TTC28: variants seen among roughly 807,000 people sequenced by gnomAD.
TTC28 encodes tetratricopeptide repeat domain 28.
In TTC28, 61 loss-of-function variants were observed where a neutral mutation model predicts 198.0. The observed-to-expected ratio is 0.31, with a 90% CI of 0.25 to 0.38. The LOEUF is 0.38. Ranked by LOEUF, TTC28 falls within the 10% of genes least tolerant of loss-of-function variation. TTC28 has a pLI of 1.00. For missense variants in TTC28, 2,678 were observed against 3,164.0 expected (o/e 0.85, Z 3.69); for synonymous variants, 1,171 against 1,297.8 (o/e 0.90, Z 2.10).
chr22:28,142,382 A>G (rs1569160067), intron 6 of TTC28, among the ~76,000 whole-genome samples: 1 of 152,236 alleles, frequency 6.6e-6, no homozygotes, highest in Non-Finnish European at 1.5e-5. Flanking sequence ...ACCCATGAGC[A>G]GAATACTGTC....
intron 6 of TTC28, among the ~76,000 whole-genome samples, chr22:28,109,910 T>C (rs969386958): frequency 6.6e-6 from 1 of 152,248 alleles, no homozygotes; most frequent in Non-Finnish European, 1.5e-5. Context: ...TAAAAATAGA[T>C]GCTCTGAGAA....
At chr22:28,310,514 C>T (rs1367557728) in intron 2 of TTC28, among the ~76,000 whole-genome samples, 3 of 152,148 alleles carry the variant, frequency 2.0e-5, no homozygotes, top group Non-Finnish European at 4.4e-5. Context: ...TTACTTTCAA[C>T]ACATCATTCC....
intron 2 of TTC28, among the ~76,000 whole-genome samples, chr22:28,328,357 G>A (rs988709974): frequency 6.6e-5 from 10 of 151,974 alleles, no homozygotes; most frequent in Non-Finnish European, 1.3e-4. Flanking sequence ...CAGGAGAATC[G>A]CTGAGCCCAG....
At chr22:28,219,518 A>G (rs977237460) in intron 5 of TTC28, among the ~76,000 whole-genome samples, 1 of 145,700 alleles carries the variant, frequency 6.9e-6, no homozygotes, top group Non-Finnish European at 1.5e-5. Context: ...AAAAAAAAAG[A>G]AAAAAAAAAC....
chr22:28,504,889 T>C (rs962393479), intron 2 of TTC28, among the ~76,000 whole-genome samples: 3 of 152,184 alleles, frequency 2.0e-5, no homozygotes, highest in South Asian at 2.1e-4. Flanking sequence ...AGGTTCATTA[T>C]ACAATTCTTT....
rs1490354903 is a variant in TTC28 at position 28,099,054 on chromosome 22, G to A, written c.3418-10C>T. The A allele has an allele frequency of 1.3e-6, 2 of 1,551,858 alleles. No homozygotes were observed. The highest frequency in any genetic ancestry group is 2.0e-5 in the Admixed American group (1 of 50,980). ...CTGATGCCCTATAAAGCTGCAAGGA[G>A]GGAGGAAGAACATCATCCATTCCCC... On this transcript the variant is annotated splice_polypyrimidine_tract_variant and intron_variant, in intron 9 of 22. Coordinates refer to ENST00000397906, the MANE Select transcript of TTC28 (RefSeq NM_001145418.2).
At chr22:28,532,306 G>A (rs977885379) in intron 2 of TTC28, among the ~76,000 whole-genome samples, 1 of 152,140 alleles carries the variant, frequency 6.6e-6, no homozygotes, top group African/African-American at 2.4e-5. Flanking sequence ...AAAAAGTCTA[G>A]AAGAAATAGA....
intron 12 of TTC28, among the ~76,000 whole-genome samples, chr22:28,049,799 C>A (rs1480399694): frequency 6.6e-6 from 1 of 152,052 alleles, no homozygotes; most frequent in African/African-American, 2.4e-5. Flanking sequence ...GGGCTTGGCA[C>A]ATGAGAGCTG....
chr22:28,244,141 G>T (rs944814745), intron 5 of TTC28, among the ~76,000 whole-genome samples: 1 of 152,138 alleles, frequency 6.6e-6, no homozygotes, highest in African/African-American at 2.4e-5. Flanking sequence ...CCAGTGGTAG[G>T]ATCTGAGGGG....
intron 2 of TTC28, chr22:28,443,064 G>A (rs1221173198): frequency 6.6e-6 from 1 of 152,244 alleles, no homozygotes; most frequent in African/African-American, 2.4e-5. Flanking sequence ...GGAGAGTCCA[G>A]TCTTTTCGCC....
chr22:28,044,279 A>G lies in TTC28; in HGVS notation c.3933-13913T>C, dbSNP rs146305279. ...TACTATTATCTAACAGCTGTAATGTATAGAACAAACCTTCTGTTGGTCGGA... is the reference window on the plus strand; with the variant it reads ...TACTATTATCTAACAGCTGTAATGTGTAGAACAAACCTTCTGTTGGTCGGA... On this transcript the variant is annotated intron_variant, in intron 12 of 22. Coordinates refer to ENST00000397906, the MANE Select transcript of TTC28 (RefSeq NM_001145418.2). 1.6e-3 allele frequency among the ~76,000 whole-genome samples: 246 copies of G among 152,326 alleles called. 1 individual carries two copies. The highest frequency in any genetic ancestry group is 5.4e-3 in the African/African-American group (225 of 41,574).
chr22:28,361,429 G>A (rs1477231943), intron 2 of TTC28, among the ~76,000 whole-genome samples: 1 of 152,138 alleles, frequency 6.6e-6, no homozygotes, highest in Non-Finnish European at 1.5e-5. Context: ...TTAAGCCAAA[G>A]TCTAATTTAG....
chr22:28,087,644 G>A (rs1302266233), intron 12 of TTC28, among the ~76,000 whole-genome samples: 1 of 152,150 alleles, frequency 6.6e-6, no homozygotes. Context: ...TCAACACAGT[G>A]CTGGAAGTTC....
At chr22:28,676,945 G>A (rs575219500) in intron 1 of TTC28, among the ~76,000 whole-genome samples, 3 of 151,336 alleles carry the variant, frequency 2.0e-5, no homozygotes, top group East Asian at 3.9e-4. Flanking sequence ...ATTTGAGATC[G>A]GGAGTTCAAA....
chr22:28,584,000 G>T (rs1168433852), intron 2 of TTC28, among the ~76,000 whole-genome samples: 57 of 129,394 alleles, frequency 4.4e-4, no homozygotes, highest in South Asian at 1.0e-3. Context: ...TTTTTGTTTT[G>T]TTTTTGTTTT....
At chr22:28,363,122 G>T (rs756903555) in intron 2 of TTC28, among the ~76,000 whole-genome samples, 1 of 152,150 alleles carries the variant, frequency 6.6e-6, no homozygotes, top group East Asian at 1.9e-4. Flanking sequence ...AGTCTTCATG[G>T]CAGCCCCTCC....
chr22:28,016,264 C>T (rs944147264), intron 13 of TTC28, among the ~76,000 whole-genome samples: 3 of 152,174 alleles, frequency 2.0e-5, no homozygotes, highest in Non-Finnish European at 4.4e-5. Flanking sequence ...CAGATAACCC[C>T]GGAGTGACAC....
chr22:28,224,559 A>G (rs567301262), intron 5 of TTC28, among the ~76,000 whole-genome samples: 56 of 152,230 alleles, frequency 3.7e-4, no homozygotes, highest in Admixed American at 9.8e-4. Context: ...AAAAACTAGG[A>G]GCTGGCAATC....
intron 2 of TTC28, among the ~76,000 whole-genome samples, chr22:28,553,454 G>A (rs1439352943): frequency 6.6e-6 from 1 of 151,304 alleles, no homozygotes; most frequent in Non-Finnish European, 1.5e-5. Flanking sequence ...TCTGGGATGT[G>A]AGGAGCGCCT....
Sources: allele counts gnomAD v4.1 joint callset (sites outside exome capture counted in the v4.1 genomes callset), GRCh38; gene constraint gnomAD v4.1.1; transcripts MANE v1.5; gene names NCBI Gene and HGNC (gene_info 2026-07-23, HGNC 2026-07-21).